Variants in MTFR2 observed in about 807,000 individuals in gnomAD.
MTFR2 encodes the protein DUF729 domain-containing protein 1.
A neutral mutation model predicts 41.2 loss-of-function variants in MTFR2; 44 were observed. The ratio of observed to expected loss-of-function variants is 1.07; its 90% confidence interval spans 0.84 to 1.37. MTFR2 has a LOEUF of 1.37. MTFR2 is among the 40% of genes most tolerant of loss of function. The pLI, the probability that MTFR2 is intolerant of heterozygous loss-of-function variation, is 0.00. For missense variants in MTFR2, 452 were observed against 459.5 expected (o/e 0.98, Z 0.15); for synonymous variants, 141 against 154.6 (o/e 0.91, Z 0.65).
rs569030460 is a variant in MTFR2 at position 136,247,494 on chromosome 6, TG to T, written c.63+1542del. ...AGGCGGTGCTCAATCCTCTCTCATG[TG>T]GATCTTAAATTTCTTCCTGTCTGTT... On this transcript the variant is annotated intron_variant, in intron 2 of 7. Coordinates refer to ENST00000420702, the MANE Select transcript of MTFR2 (RefSeq NM_001099286.3). The T allele has an allele frequency of 7.5e-4, 344 of 456,302 alleles. 2 individuals are homozygous for T. The highest frequency in any genetic ancestry group is 5.1e-3 in the South Asian group (332 of 64,566). 28.3% of individuals were successfully genotyped at this position (456,302 alleles called of 1,614,324 possible).
chr6:136,247,118 G>C (rs1780231602), intron 2 of MTFR2, among the ~76,000 whole-genome samples: 1 of 152,200 alleles, frequency 6.6e-6, no homozygotes, highest in Middle Eastern at 3.2e-3. Context: ...GGAAGGCCAA[G>C]GCAGGTGGAT....
chr6:136,234,895 G>A (rs1486629188), intron 6 of MTFR2, among the ~76,000 whole-genome samples: 3 of 152,134 alleles, frequency 2.0e-5, no homozygotes, highest in Non-Finnish European at 2.9e-5. Context: ...ATGATTCCTA[G>A]ATATTTGTTT....
intron 4 of MTFR2, 73 bp from the exon 5 acceptor site, chr6:136,241,749 C>A: frequency 8.8e-7 from 1 of 1,138,936 alleles, no homozygotes; most frequent in Non-Finnish European, 1.3e-6. Flanking sequence ...CTCTTACACT[C>A]CTACGTGAAA....
chr6:136,248,271 G>C (rs1780266867), intron 2 of MTFR2, among the ~76,000 whole-genome samples: 1 of 152,166 alleles, frequency 6.6e-6, no homozygotes, highest in South Asian at 2.1e-4. Context: ...TCAACAAGTA[G>C]ATAAAATTTG....
At chr6:136,238,707 C>CACACACAA (rs1363598390) in intron 6 of MTFR2, among the ~76,000 whole-genome samples, 2 of 150,634 alleles carry the variant, frequency 1.3e-5, no homozygotes, top group African/African-American at 4.9e-5. Context: ...CACACACACA[C>CACACACAA]ATGGAACTCA....
intron 6 of MTFR2, among the ~76,000 whole-genome samples, chr6:136,235,800 C>CACT (rs1779889704): frequency 6.6e-6 from 1 of 152,142 alleles, no homozygotes; most frequent in South Asian, 2.1e-4. Flanking sequence ...AGCATGGTGG[C>CACT]ACATGCCTGT....
At chr6:136,231,500 A>G in intron 7 of MTFR2, 112 bp from the exon 8 acceptor site, 4 of 660,506 alleles carry the variant, frequency 6.1e-6, no homozygotes, top group East Asian at 2.7e-5. Context: ...ATATTTATTT[A>G]CCGTATTTAT....
intron 6 of MTFR2, among the ~76,000 whole-genome samples, chr6:136,239,189 C>T: frequency 6.6e-6 from 1 of 152,010 alleles, no homozygotes; most frequent in East Asian, 1.9e-4. Context: ...GGTAGAGTAT[C>T]TAAGAAAATA....
chr6:136,240,109 C>T (rs1780016776), intron 5 of MTFR2, among the ~76,000 whole-genome samples: 1 of 152,168 alleles, frequency 6.6e-6, no homozygotes, highest in Non-Finnish European at 1.5e-5. Context: ...AATTCACATA[C>T]ACTCTGAACT....
chr6:136,246,444 G>A (rs1780214714), intron 2 of MTFR2, among the ~76,000 whole-genome samples: 1 of 151,922 alleles, frequency 6.6e-6, no homozygotes, highest in African/African-American at 2.4e-5. Context: ...AACCATGCCT[G>A]GTTAATTTTT....
At chr6:136,247,960 T>C (rs1780256778) in intron 2 of MTFR2, among the ~76,000 whole-genome samples, 1 of 152,214 alleles carries the variant, frequency 6.6e-6, no homozygotes, top group Non-Finnish European at 1.5e-5. Context: ...TTTCTACTTA[T>C]ATGTTCTAAC....
intron 7 of MTFR2, 43 bp from the exon 8 acceptor site, chr6:136,231,431 C>CA (rs112930946): frequency 0.031 from 30,101 of 959,968 alleles, 603 homozygotes; most frequent in African/African-American, 0.17. Context: ...ATTCTAATGT[C>CA]AAAAAAAAAA....
In MTFR2 at chr6:136,231,164, A is replaced by T. The variant is rs1425741624; in HGVS notation, c.*111T>A. 1.5e-6 allele frequency: 1 copy of T among 668,208 alleles called. No homozygotes were observed. Among genetic ancestry groups the T allele is most frequent in the East Asian group, 2.8e-5 (1 of 36,066 alleles). 41.4% of individuals were successfully genotyped at this position (668,208 alleles called of 1,614,324 possible). On this transcript the variant is annotated 3_prime_UTR_variant, in exon 8 of 8. Coordinates refer to ENST00000420702, the MANE Select transcript of MTFR2 (RefSeq NM_001099286.3). Reference sequence around the variant, plus strand: ...AGTGTAGGCAAAATGTGTCAAGAAGAGTCTTTAAATACATCTACTTTTAGC... The same window carrying T: ...AGTGTAGGCAAAATGTGTCAAGAAGTGTCTTTAAATACATCTACTTTTAGC...
At chr6:136,244,920 T>C in intron 2 of MTFR2, 51 bp from the exon 3 acceptor site, 1 of 1,329,222 alleles carries the variant, frequency 7.5e-7, no homozygotes, top group South Asian at 1.4e-5. Context: ...TAAGCATATT[T>C]ATATAAGTAT....
chr6:136,233,376 T>G lies in MTFR2; in HGVS notation c.993A>C (p.Lys331Asn). The change falls in exon 7 of 8, where the codon AAA becomes AAC. Residue 331 changes from lysine to asparagine, a missense_variant. Lys to Asn is a moderately conservative substitution (Grantham distance 94). Coordinates refer to ENST00000420702, the MANE Select transcript of MTFR2 (RefSeq NM_001099286.3). ...GGGAAGATTCCCAAGATCTATTCTC[T>G]TTCTCAAAAGAATCATCTTCTTGAA... is the stretch of plus-strand genomic sequence containing the variant. ...FAFQEDDSFE[K>N]ENRSWESSPF... 1 of 1,612,496 alleles carries G rather than the reference T, an allele frequency of 6.2e-7. No individual in the cohort carries two copies. Among genetic ancestry groups the G allele is most frequent in the East Asian group, 2.2e-5 (1 of 44,784 alleles).
Position 136,233,480 on chromosome 6 carries a change from T to G in MTFR2, c.889A>C (p.Ile297Leu). The G allele has an allele frequency of 6.4e-7, 1 of 1,565,898 alleles. No homozygotes were observed. The highest frequency in any genetic ancestry group is 2.3e-5 in the East Asian group (1 of 44,070). ...AIERSPGGRPIHKRKRQNSHW... is the reference protein window; with the variant it reads ...AIERSPGGRPLHKRKRQNSHW... ...GAATTCTGTCTTTTCCTCTTATGAA[T>G]GGGTCTACCGCCAGGTGACCTATTT... The change falls in exon 7 of 8, where the codon ATT becomes CTT. Residue 297 changes from isoleucine (I) to leucine (L), a missense_variant. By Grantham distance (5) the Ile-to-Leu change is conservative. Coordinates refer to ENST00000420702, the MANE Select transcript of MTFR2 (RefSeq NM_001099286.3).
At position 136,239,694 on chromosome 6, in the gene MTFR2, A is replaced by G. The variant is rs112134636; in HGVS notation, c.641T>C (p.Leu214Pro). The change falls in exon 6 of 8, where the codon CTT (leucine) becomes CCT (proline). Residue 214 changes from leucine to proline, a missense_variant. Transcript: ENST00000420702. ...SVLSPPPPPP[L>P]PPQFSSLQPP... ...CTGGAGAGATGAAAACTGAGGAGGA[A>G]GTGGTGGAGGAGGAGGAGGAGAAAG... 6.2e-7 allele frequency: 1 copy of G among 1,614,058 alleles called. No homozygotes were observed. Among genetic ancestry groups the G allele is most frequent in the Non-Finnish European group, 8.5e-7 (1 of 1,179,986 alleles).
chr6:136,233,999 CAAGT>C (rs1215734847), intron 6 of MTFR2, among the ~76,000 whole-genome samples: 1 of 151,904 alleles, frequency 6.6e-6, no homozygotes, highest in African/African-American at 2.4e-5. Flanking sequence ...CATCAATATA[CAAGT>C]AAGATCATTT....
intron 5 of MTFR2, among the ~76,000 whole-genome samples, chr6:136,240,818 G>C (rs532154326): frequency 6.6e-6 from 1 of 152,174 alleles, no homozygotes; most frequent in Non-Finnish European, 1.5e-5. Flanking sequence ...AGGGCCGGGC[G>C]CGGTGGCTCA....
Sources: gnomAD v4.1 joint callset for allele counts (sites outside exome capture counted in the v4.1 genomes callset) on GRCh38, gnomAD v4.1.1 for gene constraint, MANE v1.5 for transcripts, NCBI Gene and HGNC (gene_info 2026-07-23, HGNC 2026-07-21) for gene names.